Variants in VGLL4 observed in about 807,000 individuals in gnomAD.
The protein encoded by VGLL4 is vestigial like family member 4, also known as transcription cofactor vestigial-like protein 4.
A neutral mutation model predicts 21.0 loss-of-function variants in VGLL4; 7 were observed. The ratio of observed to expected loss-of-function variants is 0.33; its 90% confidence interval spans 0.19 to 0.63. The LOEUF is 0.63. VGLL4 is among the 20% of genes least tolerant of loss of function. VGLL4 has a pLI of 0.78. For synonymous variants in VGLL4, 222 were observed against 173.2 expected (o/e 1.28, Z -2.21); for missense variants, 394 against 425.7 (o/e 0.93, Z 0.66).
intron 2 of VGLL4, among the ~76,000 whole-genome samples, chr3:11,686,711 A>G (rs924989342): frequency 1.3e-5 from 2 of 152,230 alleles, no homozygotes; most frequent in Admixed American, 1.3e-4. Context: ...TTCTTCCTCC[A>G]TGGATTTTAA....
In VGLL4 at chr3:11,597,736, C is replaced by T. The variant is rs553463010; in HGVS notation, c.272+4097G>A. Among the ~76,000 whole-genome samples the T allele has an allele frequency of 9.8e-4, 149 of 152,222 alleles. 8 individuals carry two copies. The South Asian group carries it at 0.029, about 30-fold the overall frequency. On this transcript the variant is annotated intron_variant, in intron 2 of 4. Transcript: ENST00000430365. ...GTCCATCAGGGAGATGGATTTGCCC[C>T]ATCTCCTGGACTGTAGCACCCAATG... is the stretch of plus-strand genomic sequence containing the variant.
intron 2 of VGLL4, among the ~76,000 whole-genome samples, chr3:11,588,850 A>G (rs1168109397): frequency 4.6e-5 from 7 of 152,230 alleles, no homozygotes; most frequent in Admixed American, 4.6e-4. Context: ...ACACCCAGTG[A>G]GAGGGTGGAT....
chr3:11,574,720 G>T (rs1185451138), intron 2 of VGLL4, among the ~76,000 whole-genome samples: 1 of 151,290 alleles, frequency 6.6e-6, no homozygotes, highest in Non-Finnish European at 1.5e-5. Flanking sequence ...CACTCTACAT[G>T]ACACATGTCG....
In VGLL4 at chr3:11,557,116, A is replaced by G. The variant is rs1314215278; in HGVS notation, c.*1440T>C. On this transcript the variant is annotated 3_prime_UTR_variant, in exon 5 of 5. Coordinates refer to ENST00000430365, the MANE Select transcript of VGLL4 (RefSeq NM_001128219.3). ...GCCTCTGGTGGGCCAGGTGGGACACAGCACACCCCAGGGGGAGGGGATAGA... is the reference window on the plus strand; with the variant it reads ...GCCTCTGGTGGGCCAGGTGGGACACGGCACACCCCAGGGGGAGGGGATAGA... The G allele has an allele frequency of 2.0e-5, 3 of 152,548 alleles. No individual in the cohort carries two copies. The highest frequency in any genetic ancestry group is 7.2e-5 in the African/African-American group (3 of 41,470). 9.4% of individuals were successfully genotyped at this position (152,548 alleles called of 1,614,324 possible).
chr3:11,678,525 T>G (rs2125377369), intron 2 of VGLL4, among the ~76,000 whole-genome samples: 1 of 152,340 alleles, frequency 6.6e-6, no homozygotes, highest in Admixed American at 6.5e-5. Flanking sequence ...TTAAAGTGGC[T>G]TTTGCTTAGC....
intron 2 of VGLL4, among the ~76,000 whole-genome samples, chr3:11,576,007 C>A (rs2074033370): frequency 6.6e-6 from 1 of 152,228 alleles, no homozygotes; most frequent in Admixed American, 6.5e-5. Context: ...AAATAAGGTA[C>A]CAGTTTTCTT....
At chr3:11,634,035 A>AC (rs1272908221) in intron 1 of VGLL4, among the ~76,000 whole-genome samples, 2 of 152,036 alleles carry the variant, frequency 1.3e-5, no homozygotes, top group African/African-American at 4.8e-5. Context: ...AACCTATTCC[A>AC]CCCTTTGCCC....
At chr3:11,671,490 T>C in intron 2 of VGLL4, 1 of 658,094 alleles carries the variant, frequency 1.5e-6, no homozygotes. Context: ...TGTACAAAAA[T>C]CCATGCATAC....
At chr3:11,674,710 C>G (rs997862185) in intron 2 of VGLL4, among the ~76,000 whole-genome samples, 1 of 152,126 alleles carries the variant, frequency 6.6e-6, no homozygotes, top group Admixed American at 6.5e-5. Context: ...AGGACAGACA[C>G]AAGAAACGGG....
In VGLL4 at chr3:11,568,771, C is replaced by T. The variant is rs1045151723; in HGVS notation, c.273-3752G>A. The T allele has an allele frequency of 2.8e-5, 42 of 1,493,140 alleles. No individual in the cohort carries two copies. The highest frequency in any genetic ancestry group is 4.2e-5 in the African/African-American group (3 of 71,638). 92.5% of individuals were successfully genotyped at this position (1,493,140 alleles called of 1,614,324 possible). ...CTGCCCGGGAGATGGAAGTCGCCTC[C>T]GCTCCTGGTCAGGACTGTGCCCGAG... On this transcript the variant is annotated intron_variant, in intron 2 of 4. Transcript: ENST00000430365. This position sits in a 1 kb window ranked among gnomAD's most constrained non-coding sequence, Gnocchi z 5.9.
At chr3:11,607,269 A>T (rs1422413918) in intron 1 of VGLL4, 1 of 152,242 alleles carries the variant, frequency 6.6e-6, no homozygotes, top group Non-Finnish European at 1.5e-5. Flanking sequence ...TAAGATACTG[A>T]TTCATGCCAT....
At chr3:11,703,130 G>A in intron 1 of VGLL4, 1 of 1,161,974 alleles carries the variant, frequency 8.6e-7, no homozygotes, top group Admixed American at 2.6e-5. Flanking sequence ...AACAGAATGA[G>A]TCCTCAACCA....
intron 2 of VGLL4, among the ~76,000 whole-genome samples, chr3:11,673,751 C>T (rs6442275): frequency 0.51 from 76,808 of 151,894 alleles, 20,399 homozygotes; most frequent in Non-Finnish European, 0.6. Context: ...TGGTGGCTCA[C>T]GCATGTAATC....
At chr3:11,584,020 T>C (rs562579118) in intron 2 of VGLL4, among the ~76,000 whole-genome samples, 1 of 152,314 alleles carries the variant, frequency 6.6e-6, no homozygotes, top group East Asian at 1.9e-4. Context: ...ACACAATACA[T>C]TTCAGTCCCT....
chr3:11,693,060 C>T (rs756610502), intron 2 of VGLL4: 29 of 187,230 alleles, frequency 1.5e-4, no homozygotes, highest in Non-Finnish European at 3.2e-4. Flanking sequence ...GTCCCAGCTA[C>T]TCGAGAGGCT....
chr3:11,681,445 T>C (rs1425602902), intron 2 of VGLL4, among the ~76,000 whole-genome samples: 1 of 152,162 alleles, frequency 6.6e-6, no homozygotes, highest in African/African-American at 2.4e-5. Context: ...GAACACAGCA[T>C]TAAGTAGGCT....
chr3:11,679,801 A>T (rs2076345144), intron 2 of VGLL4, among the ~76,000 whole-genome samples: 2 of 152,206 alleles, frequency 1.3e-5, no homozygotes, highest in Admixed American at 1.3e-4. Context: ...AAGTTTTTTT[A>T]AAAAAAGTTT....
At chr3:11,658,018 G>A (rs575591298) in intron 2 of VGLL4, among the ~76,000 whole-genome samples, 2 of 60 alleles carry the variant, frequency 0.033, no homozygotes, top group Non-Finnish European at 0.059. Context: ...CTCAACCTCC[G>A]GGACTTTAAA....
At chr3:11,652,523 C>A (rs2075889845) in intron 2 of VGLL4, among the ~76,000 whole-genome samples, 1 of 152,110 alleles carries the variant, frequency 6.6e-6, no homozygotes, top group African/African-American at 2.4e-5. Flanking sequence ...CGGGTTCAAG[C>A]GATTCTCCTG....
Sources: allele counts gnomAD v4.1 joint callset (sites outside exome capture counted in the v4.1 genomes callset), GRCh38; gene constraint gnomAD v4.1.1; non-coding constraint Gnocchi (gnomAD v3.1); transcripts MANE v1.5; gene names NCBI Gene and HGNC (gene_info 2026-07-23, HGNC 2026-07-21).